ALKAL2: variants seen among roughly 807,000 people sequenced by gnomAD.
ALKAL2 encodes the protein ALK and LTK ligand 2.
A neutral mutation model predicts 18.5 loss-of-function variants in ALKAL2; 8 were observed. The observed-to-expected ratio is 0.43, with a 90% CI of 0.25 to 0.78. The LOEUF (loss-of-function observed/expected upper bound fraction) is 0.78. Ranked by LOEUF, ALKAL2 falls within the 30% of genes least tolerant of loss-of-function variation. The pLI, the probability that ALKAL2 is intolerant of heterozygous loss-of-function variation, is 0.22. For missense variants in ALKAL2, 241 were observed against 211.2 expected (o/e 1.14, Z -0.88); for synonymous variants, 135 against 95.8 (o/e 1.41, Z -2.39).
chr2:287,403 C>T, intron 2 of ALKAL2, 180 bp downstream of exon 2: 1 of 479,394 alleles, frequency 2.1e-6, no homozygotes, highest in Non-Finnish European at 3.3e-6. Flanking sequence ...GGCGCTTCTC[C>T]GCCAGGCCTC....
At chr2:286,431 G>A (rs1395370629) in intron 2 of ALKAL2, 88 bp from the exon 3 acceptor site, 1 of 1,030,422 alleles carries the variant, frequency 9.7e-7, no homozygotes, top group Admixed American at 2.3e-5. Context: ...GAAAATTGGA[G>A]CTCCATATTA....
chr2:282,424 G>GT (rs781419741), intron 5 of ALKAL2, among the ~76,000 whole-genome samples: 3 of 152,246 alleles, frequency 2.0e-5, no homozygotes, highest in Non-Finnish European at 2.9e-5. Context: ...CACATAGTAA[G>GT]TATAAAATTG....
chr2:286,612 C>T, intron 2 of ALKAL2: 1 of 372,792 alleles, frequency 2.7e-6, no homozygotes, highest in Admixed American at 4.3e-5. Context: ...ACAGAGACCA[C>T]GAAGTTACAG....
In ALKAL2 at chr2:287,707, T is replaced by C. The variant is rs768009901; in HGVS notation, c.129A>G (p.Glu43=). Residue 43 remains glutamate (E), a synonymous_variant, in exon 2 of 6, where the codon GAA becomes GAG. Coordinates refer to ENST00000403610, the MANE Select transcript of ALKAL2 (RefSeq NM_001002919.3). The stretch of plus-strand genomic sequence containing the variant: ...GGTGCTTCCGCAGCTCCTGGACGAG[T>C]TCCACCACCAGCCGCAGCAGCGCCT... ...DGQALLRLVV[E]LVQELRKHHS... is the part of the protein sequence containing the mutation. 163 of 1,477,012 alleles carry C rather than the reference T, an allele frequency of 1.1e-4. No homozygotes were observed. The highest frequency in any genetic ancestry group is 2.0e-4 in the Middle Eastern group (1 of 4,934). The allele number at this position is 1,477,012 out of a possible 1,614,324, so 91.5% of individuals were successfully genotyped here.
chr2:283,435 G>T (rs1223610494), intron 4 of ALKAL2: 6 of 985,266 alleles, frequency 6.1e-6, no homozygotes, highest in Non-Finnish European at 7.2e-6. Flanking sequence ...AGACACGAAG[G>T]CTGCATGGCT....
Position 286,274 on chromosome 2 carries a change from C to A in ALKAL2, c.307+16G>T. 1 of 1,611,592 alleles carries A rather than the reference C, an allele frequency of 6.2e-7. No individual in the cohort carries two copies. Among genetic ancestry groups the A allele is most frequent in the Non-Finnish European group, 8.5e-7 (1 of 1,178,532 alleles). On this transcript the variant is annotated intron_variant, in intron 3 of 5. Coordinates refer to ENST00000403610, the MANE Select transcript of ALKAL2 (RefSeq NM_001002919.3). ...AAGGAGCTCTGGGAGACGTGAGGAA[C>A]GAGGAGAAAACTTACCTGTAAGGTG...
At chr2:280,320 A>T (rs556409330) in intron 5 of ALKAL2, among the ~76,000 whole-genome samples, 168 bp from the exon 6 acceptor site, 19 of 152,328 alleles carry the variant, frequency 1.2e-4, no homozygotes, top group African/African-American at 4.3e-4. Flanking sequence ...TTGTATTTTT[A>T]AAAATACCTT....
intron 5 of ALKAL2, among the ~76,000 whole-genome samples, chr2:281,999 T>C (rs772445402): frequency 2.6e-5 from 4 of 151,976 alleles, no homozygotes; most frequent in Non-Finnish European, 5.9e-5. Context: ...CTTCACTATC[T>C]CCAAAGAAAA....
At chr2:286,458 C>A in intron 2 of ALKAL2, 115 bp from the exon 3 acceptor site, 11 of 731,502 alleles carry the variant, frequency 1.5e-5, no homozygotes, top group East Asian at 2.7e-5. Context: ...TTGCTTTGCA[C>A]AAAATAAAAA....
chr2:282,469 A>T (rs1558267826), intron 5 of ALKAL2, among the ~76,000 whole-genome samples: 1 of 152,238 alleles, frequency 6.6e-6, no homozygotes, highest in Non-Finnish European at 1.5e-5. Context: ...GTCTAAAGTG[A>T]CTGGATTCTG....
chr2:280,155 G>GAAAACA lies in ALKAL2; in HGVS notation c.454-9_454-4dup. 6.2e-7 allele frequency: 1 copy of GAAAACA among 1,613,898 alleles called. No individual in the cohort carries two copies. Among genetic ancestry groups the GAAAACA allele is most frequent in the Non-Finnish European group, 8.5e-7 (1 of 1,179,858 alleles). Reference sequence around the variant, plus strand: ...GCTCCTGTACGGTCTGCTCACTGCTGAAAACAAATACATTGCGTGTGATAT... The same window carrying GAAAACA: ...GCTCCTGTACGGTCTGCTCACTGCTGAAAACAAAAACAAATACATTGCGTGTGATAT... On this transcript the variant is annotated splice_region_variant and splice_polypyrimidine_tract_variant and intron_variant, in intron 5 of 5. Coordinates refer to ENST00000403610, the MANE Select transcript of ALKAL2 (RefSeq NM_001002919.3).
At chr2:282,156 C>T (rs1670375298) in intron 5 of ALKAL2, among the ~76,000 whole-genome samples, 1 of 152,220 alleles carries the variant, frequency 6.6e-6, no homozygotes, top group Admixed American at 6.5e-5. Flanking sequence ...GCCATGCCTC[C>T]TGCCGGTGTT....
chr2:281,559 G>T (rs925943191), intron 5 of ALKAL2, among the ~76,000 whole-genome samples: 4 of 152,304 alleles, frequency 2.6e-5, no homozygotes, highest in South Asian at 4.1e-4. Flanking sequence ...ACCCATACAG[G>T]AGCCTGAGTC....
At chr2:280,869 G>A (rs1670317748) in intron 5 of ALKAL2, among the ~76,000 whole-genome samples, 2 of 152,374 alleles carry the variant, frequency 1.3e-5, no homozygotes, top group African/African-American at 4.8e-5. Flanking sequence ...TCCTGCTAAA[G>A]GCCTGCTTTT....
At chr2:284,494 G>C (rs1247483293) in intron 4 of ALKAL2, among the ~76,000 whole-genome samples, 2 of 152,138 alleles carry the variant, frequency 1.3e-5, no homozygotes, top group African/African-American at 4.8e-5. Flanking sequence ...AGTTCTTTAT[G>C]GGCTAAGAAG....
intron 5 of ALKAL2, 148 bp downstream of exon 5, chr2:282,963 C>T: frequency 1.2e-6 from 1 of 862,598 alleles, no homozygotes; most frequent in Non-Finnish European, 1.7e-6. Context: ...GCTTTCAGCA[C>T]TGTGAGATGA....
chr2:285,932 T>A, intron 4 of ALKAL2, 191 bp downstream of exon 4: 1 of 559,432 alleles, frequency 1.8e-6, no homozygotes, highest in Non-Finnish European at 3.1e-6. Flanking sequence ...AATTTCCAGT[T>A]TGGCGTTAGC....
chr2:286,497 A>T, intron 2 of ALKAL2, 154 bp from the exon 3 acceptor site: 1 of 598,086 alleles, frequency 1.7e-6, no homozygotes. Context: ...GCAACACACG[A>T]CAGTGAAGAA....
At position 286,322 on chromosome 2, in the gene ALKAL2, C is replaced by G. The variant is rs982720568; in HGVS notation, c.275G>C (p.Arg92Thr). The G allele has an allele frequency of 3.1e-6, 5 of 1,612,006 alleles. No individual in the cohort carries two copies. Among genetic ancestry groups the G allele is most frequent in the Non-Finnish European group, 4.2e-6 (5 of 1,179,002 alleles). Residue 92 changes from arginine to threonine, a missense_variant, in exon 3 of 6, where the codon AGG becomes ACG. Transcript: ENST00000403610. The part of the protein sequence containing the change: ...QRVEIVPRDL[R>T]MKDKFLKHLT... ...GTGTTTTAGAAACTTGTCCTTCATCCTCAGATCTCGAGGAACAATTTCTGT... is the reference window on the plus strand; with the variant it reads ...GTGTTTTAGAAACTTGTCCTTCATCGTCAGATCTCGAGGAACAATTTCTGT...
Sources: allele counts gnomAD v4.1 joint callset (sites outside exome capture counted in the v4.1 genomes callset), GRCh38; gene constraint gnomAD v4.1.1; transcripts MANE v1.5; gene names NCBI Gene and HGNC (gene_info 2026-07-23, HGNC 2026-07-21).